LRP1B: variants seen among roughly 807,000 people sequenced by gnomAD.
LRP1B encodes LDL receptor related protein 1B, also known as low-density lipoprotein receptor-related protein 1B.
Under a neutral mutation model 556.6 loss-of-function variants are expected in LRP1B, and 217 were observed. The ratio of observed to expected loss-of-function variants is 0.39; its 90% CI spans 0.35 to 0.44. The LOEUF (loss-of-function observed/expected upper bound fraction) is 0.44, where lower values mean the gene tolerates loss of function less well. LRP1B is among the 20% of genes least tolerant of loss of function. The pLI, the probability that LRP1B is intolerant of heterozygous loss-of-function variation, is 1.00. For synonymous variants in LRP1B, 2,047 were observed against 1,865.8 expected, an observed-to-expected ratio of 1.10 and a Z score of -2.50; for missense variants, 5,053 against 5,620.8, an observed-to-expected ratio of 0.90 and a Z score of 3.23.
At position 140,534,025 on chromosome 2, in the gene LRP1B, A is replaced by G; in HGVS notation, c.7758T>C (p.Cys2586=). ...ATTGATGGAACAAGTATTTACCTTT[A>G]CAATCTAATTCATCAGAGTTGTCTC... ...DCGDNSDELD[C]KVSTCATVEF... Residue 2586 remains cysteine, a synonymous_variant, in exon 47 of 91, where the codon TGT becomes TGC. Coordinates refer to ENST00000389484, the MANE Select transcript of LRP1B (RefSeq NM_018557.3). 3.1e-6 allele frequency: 5 copies of G among 1,613,416 alleles called. No individual in the cohort carries two copies. Among genetic ancestry groups the G allele is most frequent in the Non-Finnish European group, 3.4e-6 (4 of 1,179,590 alleles).
At chr2:140,838,846 T>TA (rs1692006727) in intron 31 of LRP1B, among the ~76,000 whole-genome samples, 1 of 152,174 alleles carries the variant, frequency 6.6e-6, no homozygotes, top group Admixed American at 6.5e-5. Flanking sequence ...AAAAAGTGAT[T>TA]AAGGTTCGAA....
At chr2:141,175,810 T>A (rs1680708433) in intron 7 of LRP1B, among the ~76,000 whole-genome samples, 1 of 152,062 alleles carries the variant, frequency 6.6e-6, no homozygotes, top group Admixed American at 6.6e-5. Flanking sequence ...GGCATAGGCA[T>A]TCAACAACAA....
chr2:141,311,886 T>C (rs982153324), intron 3 of LRP1B, among the ~76,000 whole-genome samples: 6 of 152,272 alleles, frequency 3.9e-5, no homozygotes, highest in Admixed American at 6.5e-5. Context: ...ATTGGAGCTG[T>C]TGCTATGGGA....
chr2:141,388,393 G>A (rs996581884), intron 3 of LRP1B, among the ~76,000 whole-genome samples: 13 of 152,024 alleles, frequency 8.6e-5, no homozygotes, highest in Admixed American at 4.6e-4. Context: ...CCAAGATGGC[G>A]CCACTGCACT....
intron 2 of LRP1B, among the ~76,000 whole-genome samples, chr2:141,706,898 AT>A (rs1367505940): frequency 1.3e-5 from 2 of 152,052 alleles, no homozygotes; most frequent in African/African-American, 4.8e-5. Flanking sequence ...ATAATTTCTA[AT>A]TTCTATCTTA....
Position 141,544,343 on chromosome 2 carries a change from C to CTT in LRP1B, c.206-63812_206-63811dup, listed in dbSNP as rs1358498702. ...TCTTCTTCTTCTTCTTCTTCTTCTT[C>CTT]TTCTTCTTCTTCTTCTTCTTCTTCT... On this transcript the variant is annotated intron_variant, in intron 2 of 90. Coordinates refer to ENST00000389484, the MANE Select transcript of LRP1B (RefSeq NM_018557.3). Among the ~76,000 whole-genome samples the CTT allele has an allele frequency of 8.2e-3, 680 of 83,290 alleles. 12 individuals are homozygous for CTT. Among genetic ancestry groups the CTT allele is most frequent in the South Asian group, 0.011 (17 of 1,544 alleles). The allele number at this position is 83,290 out of a possible 152,430, so 54.6% of individuals were successfully genotyped here. A position where few individuals can be genotyped will look rare whatever the true frequency, so the allele number is the denominator to read the frequency against.
intron 1 of LRP1B, among the ~76,000 whole-genome samples, chr2:141,839,115 G>A (rs1697381382): frequency 6.6e-6 from 1 of 152,130 alleles, no homozygotes; most frequent in African/African-American, 2.4e-5. Flanking sequence ...AGTGCTTCAT[G>A]TTCTTCTTAC....
At chr2:141,197,422 T>A (rs1249443) in intron 6 of LRP1B, among the ~76,000 whole-genome samples, 1 of 152,146 alleles carries the variant, frequency 6.6e-6, no homozygotes, top group African/African-American at 2.4e-5. Context: ...TATCTGCTCC[T>A]TATTGTCCGA....
At chr2:140,970,356 C>T (rs1257164928) in intron 18 of LRP1B, among the ~76,000 whole-genome samples, 11 of 152,148 alleles carry the variant, frequency 7.2e-5, no homozygotes, top group Non-Finnish European at 8.8e-5. Flanking sequence ...GTTCTCATGC[C>T]ATGGTTTTCA....
At chr2:140,243,147 T>C (rs1018445027) in intron 87 of LRP1B, among the ~76,000 whole-genome samples, 2 of 151,074 alleles carry the variant, frequency 1.3e-5, no homozygotes, top group African/African-American at 4.8e-5. Flanking sequence ...CTGTGGAATA[T>C]AGATGACACA....
chr2:141,869,058 C>T (rs750679220), intron 1 of LRP1B, among the ~76,000 whole-genome samples: 19 of 152,068 alleles, frequency 1.2e-4, no homozygotes, highest in African/African-American at 3.4e-4. Flanking sequence ...TAAGTTTGCT[C>T]GGAGAGTTAA....
intron 32 of LRP1B, among the ~76,000 whole-genome samples, chr2:140,779,395 G>A (rs1357591668): frequency 6.6e-6 from 1 of 152,054 alleles, no homozygotes; most frequent in East Asian, 1.9e-4. Context: ...AGTAAACTAT[G>A]AATTAAGTGT....
intron 1 of LRP1B, among the ~76,000 whole-genome samples, chr2:141,877,740 T>C (rs759631872): frequency 1.3e-5 from 2 of 151,982 alleles, no homozygotes; most frequent in African/African-American, 2.4e-5. Context: ...AGGTAGAGTG[T>C]TGAATCAGAA....
chr2:141,514,450 T>C (rs1355682768), intron 2 of LRP1B, among the ~76,000 whole-genome samples: 2 of 152,168 alleles, frequency 1.3e-5, no homozygotes, highest in Admixed American at 6.6e-5. Context: ...TGTTATTGCA[T>C]GTGTTTTGTT....
At chr2:141,502,137 A>G (rs1395581428) in intron 2 of LRP1B, among the ~76,000 whole-genome samples, 1 of 152,184 alleles carries the variant, frequency 6.6e-6, no homozygotes, top group Non-Finnish European at 1.5e-5. Flanking sequence ...TGGGGAGTCC[A>G]TTTCGAAATA....
At chr2:141,712,165 T>C (rs1200580840) in intron 2 of LRP1B, among the ~76,000 whole-genome samples, 4 of 152,170 alleles carry the variant, frequency 2.6e-5, no homozygotes, top group Non-Finnish European at 5.9e-5. Flanking sequence ...CAATTAACTT[T>C]CCCAATTTGG....
intron 1 of LRP1B, among the ~76,000 whole-genome samples, chr2:142,086,537 G>A (rs1253141794): frequency 2.0e-5 from 3 of 151,836 alleles, no homozygotes; most frequent in East Asian, 1.9e-4. Context: ...CCCGGGAGGC[G>A]GGAGGCAGAG....
chr2:142,022,824 TC>T (rs374625570), intron 1 of LRP1B, among the ~76,000 whole-genome samples: 247 of 152,156 alleles, frequency 1.6e-3, no homozygotes, highest in African/African-American at 5.7e-3. Flanking sequence ...GTGCGTGCCA[TC>T]ACGCCCGGCT....
intron 66 of LRP1B, among the ~76,000 whole-genome samples, chr2:140,428,144 T>A (rs1281935110): frequency 6.6e-6 from 1 of 152,038 alleles, no homozygotes; most frequent in South Asian, 2.1e-4. Context: ...ATTCTCAATA[T>A]ACATTTTATT....
Sources: gnomAD v4.1 joint callset for allele counts (sites outside exome capture counted in the v4.1 genomes callset) on GRCh38, gnomAD v4.1.1 for gene constraint, MANE v1.5 for transcripts, NCBI Gene and HGNC (gene_info 2026-07-23, HGNC 2026-07-21) for gene names.